DNAAF9: variants seen among roughly 807,000 people sequenced by gnomAD.
DNAAF9 encodes the protein dynein axonemal assembly factor 9.
Under a neutral mutation model 167.0 loss-of-function variants are expected in DNAAF9, and 90 were observed. The observed-to-expected ratio is 0.54, with a 90% CI of 0.45 to 0.64. The LOEUF (loss-of-function observed/expected upper bound fraction) is 0.64, where lower values mean the gene tolerates loss of function less well. Ranked by LOEUF, DNAAF9 falls within the 30% of genes least tolerant of loss-of-function variation. DNAAF9 has a pLI of 0.00. For missense variants in DNAAF9, 1,315 were observed against 1,442.2 expected (o/e 0.91, Z 1.43); for synonymous variants, 491 against 508.8 (o/e 0.96, Z 0.47).
chr20:3,287,691 G>A lies in DNAAF9; in HGVS notation c.2427C>T (p.Arg809=). 1 of 1,614,256 alleles carries A rather than the reference G, an allele frequency of 6.2e-7. No individual in the cohort carries two copies. Among genetic ancestry groups the A allele is most frequent in the Non-Finnish European group, 8.5e-7 (1 of 1,180,034 alleles). The change falls in exon 27 of 37, where the codon CGC becomes CGT. Residue 809 remains arginine (R), a synonymous_variant. Transcript: ENST00000252032. ...LSSALEAQQN[R]SARQSAYIRK... The stretch of plus-strand genomic sequence containing the variant: ...GGATGTAGGCTGACTGGCGCGCAGA[G>A]CGGTTCTGCTGGGCCTCTAGGGCAC...
intron 1 of DNAAF9, among the ~76,000 whole-genome samples, chr20:3,395,695 T>G (rs1469870648): frequency 6.6e-6 from 1 of 152,190 alleles, no homozygotes; most frequent in Non-Finnish European, 1.5e-5. Flanking sequence ...AGCTCCCTAC[T>G]CAGGAACATG....
intron 21 of DNAAF9, 144 bp downstream of exon 21, chr20:3,304,296 C>T (rs1874689946): frequency 4.5e-6 from 3 of 666,300 alleles, no homozygotes; most frequent in Non-Finnish European, 8.1e-6. Context: ...CCACGACCTC[C>T]CTCCCTGCCT....
chr20:3,384,913 A>T (rs2083713045), intron 1 of DNAAF9, among the ~76,000 whole-genome samples: 1 of 152,158 alleles, frequency 6.6e-6, no homozygotes, highest in Non-Finnish European at 1.5e-5. Flanking sequence ...ACCCATTCAT[A>T]ATAAAAACAC....
At chr20:3,258,973 A>G (rs2068330540) in intron 33 of DNAAF9, among the ~76,000 whole-genome samples, 1 of 152,154 alleles carries the variant, frequency 6.6e-6, no homozygotes, top group Non-Finnish European at 1.5e-5. Flanking sequence ...ACTGACTCCT[A>G]CTGGTTTTGA....
chr20:3,402,413 AT>A (rs2123310961), intron 1 of DNAAF9, among the ~76,000 whole-genome samples: 1 of 151,910 alleles, frequency 6.6e-6, no homozygotes, highest in African/African-American at 2.4e-5. Flanking sequence ...CTCTGTTTGC[AT>A]TTTTCAAGAA....
intron 1 of DNAAF9, among the ~76,000 whole-genome samples, chr20:3,399,476 G>T (rs1267930758): frequency 6.6e-6 from 1 of 152,100 alleles, no homozygotes; most frequent in African/African-American, 2.4e-5. Context: ...CCAAAGTGCT[G>T]GGATTACAGG....
intron 20 of DNAAF9, among the ~76,000 whole-genome samples, chr20:3,308,742 T>A (rs1267210848): frequency 2.6e-5 from 4 of 151,546 alleles, no homozygotes; most frequent in African/African-American, 4.8e-5. Flanking sequence ...TTTGGGAGAC[T>A]GAGGTGGGAG....
Position 3,253,713 on chromosome 20 carries a change from G to T in DNAAF9, c.3421+13C>A. 6.5e-7 allele frequency: 1 copy of T among 1,538,468 alleles called. No individual in the cohort carries two copies. Among genetic ancestry groups the T allele is most frequent in the Non-Finnish European group, 9.0e-7 (1 of 1,111,262 alleles). ...CCGGGTTCCACACAGGGACCACGCT[G>T]TTCCAAGGATACGTGGGTGAAAATC... On this transcript the variant is annotated intron_variant, in intron 36 of 36. Coordinates refer to ENST00000252032, the MANE Select transcript of DNAAF9 (RefSeq NM_001009984.3).
At position 3,304,466 on chromosome 20, in the gene DNAAF9, T is replaced by C; in HGVS notation, c.1756A>G (p.Met586Val). 6 of 1,504,866 alleles carry C rather than the reference T, an allele frequency of 4.0e-6. No homozygotes were observed. Among genetic ancestry groups the C allele is most frequent in the Non-Finnish European group, 5.6e-6 (6 of 1,080,608 alleles). The allele number at this position is 1,504,866 out of a possible 1,614,324, so 93.2% of individuals were successfully genotyped here. The part of the protein sequence containing the change: ...HRSIIISKDH[M>V]NSISFYDGDS... ...CCATCATAGAAGGAAATGGAATTCA[T>C]GTGATCCTTGGAAATGATGATACTT... Residue 586 changes from methionine (M) to valine (V), a missense_variant, in exon 21 of 37, where the codon ATG becomes GTG. This residue lies in a region of DNAAF9 where 981 missense variants were observed against 1,012.5 expected (regional missense o/e 0.97). Coordinates refer to ENST00000252032, the MANE Select transcript of DNAAF9 (RefSeq NM_001009984.3).
At chr20:3,310,410 C>A (rs548462738) in intron 20 of DNAAF9, among the ~76,000 whole-genome samples, 18 of 141,712 alleles carry the variant, frequency 1.3e-4, no homozygotes, top group African/African-American at 3.6e-4. Context: ...ATAGGCCAGG[C>A]GCAGTGGGTC....
intron 8 of DNAAF9, among the ~76,000 whole-genome samples, chr20:3,345,313 A>T (rs764705227): frequency 6.6e-6 from 1 of 152,164 alleles, no homozygotes; most frequent in Non-Finnish European, 1.5e-5. Flanking sequence ...ATGTGTAAAA[A>T]CTATAGATTA....
rs1600656897 is a variant in DNAAF9, at chr20:3,259,424, T to C, written c.3055+56A>G. 7.3e-6 allele frequency: 8 copies of C among 1,098,982 alleles called. No homozygotes were observed. In the East Asian group the frequency reaches 1.6e-4, roughly 23 times the overall value. The allele number at this position is 1,098,982 out of a possible 1,614,324, so 68.1% of individuals were successfully genotyped here. On this transcript the variant is annotated intron_variant, in intron 33 of 36. Coordinates refer to ENST00000252032, the MANE Select transcript of DNAAF9 (RefSeq NM_001009984.3). ...CACCAGCAGAGGCTCTGAACTCACA[T>C]CATGAGATGCAAGCACTCCATGGTG...
At chr20:3,293,758 A>G (rs1361928356) in intron 25 of DNAAF9, among the ~76,000 whole-genome samples, 1 of 152,090 alleles carries the variant, frequency 6.6e-6, no homozygotes, top group African/African-American at 2.4e-5. Context: ...AGGCCTGAAT[A>G]ACATGGGTGC....
At position 3,382,600 on chromosome 20, in the gene DNAAF9, G is replaced by A. The variant is rs2083672790; in HGVS notation, c.84-94C>T. The stretch of plus-strand genomic sequence containing the variant: ...TCCCACAATGGAGTCATGAGGAAGA[G>A]GAATGACTTTGCTGGGGATGGAAAT... On this transcript the variant is annotated intron_variant, in intron 1 of 36. Transcript: ENST00000252032. The A allele has an allele frequency of 3.2e-6, 3 of 934,612 alleles. No homozygotes were observed. In the Admixed American group the frequency reaches 5.6e-5, roughly 17 times the overall value. 57.9% of individuals were successfully genotyped at this position (934,612 alleles called of 1,614,324 possible).
chr20:3,404,010 G>A (rs559663283), intron 1 of DNAAF9, among the ~76,000 whole-genome samples: 1 of 152,140 alleles, frequency 6.6e-6, no homozygotes, highest in African/African-American at 2.4e-5. Context: ...CCACATTATC[G>A]AATCTAATTG....
chr20:3,284,553 C>T (rs1285537904), intron 27 of DNAAF9, among the ~76,000 whole-genome samples: 1 of 152,050 alleles, frequency 6.6e-6, no homozygotes, highest in Non-Finnish European at 1.5e-5. Flanking sequence ...TGTCTCTTCA[C>T]GTTTGCTTTC....
At chr20:3,307,153 A>G in intron 20 of DNAAF9, 2 of 985,038 alleles carry the variant, frequency 2.0e-6, no homozygotes, top group South Asian at 4.7e-5. Context: ...GAGCGAGGTC[A>G]TCTCCAGCAT....
rs1479513894 is a variant in DNAAF9, at chr20:3,370,334, G to A, written c.612+3714C>T. The stretch of plus-strand genomic sequence containing the variant: ...GGTTCAATCAGCCCACTGCAGCCTG[G>A]AGCTCCAGGGCTCAAGCTATCCTCC... On this transcript the variant is annotated intron_variant, in intron 6 of 36. Transcript: ENST00000252032. Among the ~76,000 whole-genome samples, 15 of 152,108 alleles carry A rather than the reference G, an allele frequency of 9.9e-5. No homozygotes were observed. In the East Asian group the frequency reaches 2.9e-3, roughly 29 times the overall value.
intron 10 of DNAAF9, among the ~76,000 whole-genome samples, chr20:3,333,455 GACA>G (rs1275374904): frequency 6.6e-6 from 1 of 152,146 alleles, no homozygotes; most frequent in Non-Finnish European, 1.5e-5. Flanking sequence ...AATTGTTTAA[GACA>G]ACAACACTAG....
Sources: gnomAD v4.1 joint callset for allele counts (sites outside exome capture counted in the v4.1 genomes callset) on GRCh38, gnomAD v4.1.1 for gene constraint, gnomAD v4.1.1 regional missense constraint, MANE v1.5 for transcripts, NCBI Gene and HGNC (gene_info 2026-07-23, HGNC 2026-07-21) for gene names.